Variants in MBOAT1 observed in about 807,000 individuals in gnomAD.
The protein encoded by MBOAT1 is membrane-bound glycerophospholipid O-acyltransferase 1.
MBOAT1 carries 67 observed loss-of-function variants against 64.4 expected under a neutral mutation model. The observed-to-expected ratio is 1.04, with a 90% CI of 0.85 to 1.27. MBOAT1 has a LOEUF of 1.27. Ranked by LOEUF, MBOAT1 falls within the 50% of genes most tolerant of loss-of-function variation. MBOAT1 has a pLI of 0.00. For missense variants in MBOAT1, 563 were observed against 604.6 expected (o/e 0.93, Z 0.72); for synonymous variants, 229 against 218.9 (o/e 1.05, Z -0.41).
chr6:20,113,718 C>T (rs1760241426), intron 10 of MBOAT1, among the ~76,000 whole-genome samples: 1 of 151,770 alleles, frequency 6.6e-6, no homozygotes, highest in African/African-American at 2.4e-5. Flanking sequence ...GGAATTCCCC[C>T]CCAAAACTCA....
intron 1 of MBOAT1, among the ~76,000 whole-genome samples, chr6:20,157,466 T>C (rs2113704025): frequency 6.6e-6 from 1 of 152,390 alleles, no homozygotes. Context: ...TTTATCAGGA[T>C]GGCAGGAATC....
chr6:20,180,555 C>T (rs1202210), intron 1 of MBOAT1, among the ~76,000 whole-genome samples: 88,195 of 151,936 alleles, frequency 0.58, 25,873 homozygotes, highest in East Asian at 0.7. Flanking sequence ...GTCACTCATA[C>T]CCTACTCTCT....
intron 1 of MBOAT1, among the ~76,000 whole-genome samples, chr6:20,205,558 G>A (rs9358310): frequency 0.2 from 30,969 of 152,072 alleles, 3,238 homozygotes; most frequent in Admixed American, 0.27. Context: ...CCAGTCAGCA[G>A]TCTCTGGTAG....
chr6:20,192,995 CTTTTTTT>C (rs1174816793), intron 1 of MBOAT1, among the ~76,000 whole-genome samples: 128 of 55,020 alleles, frequency 2.3e-3, no homozygotes, highest in African/African-American at 6.4e-3. Context: ...GCTATAATTT[CTTTTTTT>C]TTTTTTTTTT....
At chr6:20,177,556 G>A (rs58818564) in intron 1 of MBOAT1, among the ~76,000 whole-genome samples, 1,536 of 152,090 alleles carry the variant, frequency 0.01, 30 homozygotes, top group African/African-American at 0.036. Context: ...GGTGGATCAC[G>A]AGGTCAGGAG....
rs547822524 is a variant in MBOAT1, at chr6:20,100,443, T to C, written c.*1843A>G. ...TTCTTCCTGGGACAGCGAAGTAGGG[T>C]TGCCCCAAGATTTCCTTGTTAAAGT... is the stretch of plus-strand genomic sequence containing the variant. On this transcript the variant is annotated 3_prime_UTR_variant, in exon 13 of 13. Transcript: ENST00000324607. Among the ~76,000 whole-genome samples, 1 of 152,280 alleles carries C rather than the reference T, an allele frequency of 6.6e-6. No individual in the cohort carries two copies. The highest frequency in any genetic ancestry group is 6.5e-5 in the Admixed American group (1 of 15,292).
chr6:20,142,165 G>T (rs937539804), intron 4 of MBOAT1, among the ~76,000 whole-genome samples: 1 of 152,176 alleles, frequency 6.6e-6, no homozygotes, highest in Non-Finnish European at 1.5e-5. Flanking sequence ...AACCAATACA[G>T]ATGGAGGGAC....
chr6:20,201,567 T>C (rs6908738), intron 1 of MBOAT1, among the ~76,000 whole-genome samples: 35,231 of 151,552 alleles, frequency 0.23, 4,889 homozygotes, highest in African/African-American at 0.39. Context: ...GCCTGTACTA[T>C]CTAATCAGAT....
At chr6:20,168,485 CAGAGACAG>C (rs1166772766) in intron 1 of MBOAT1, among the ~76,000 whole-genome samples, 3 of 106,230 alleles carry the variant, frequency 2.8e-5, no homozygotes, top group Non-Finnish European at 5.5e-5. Context: ...GAGACAGAGA[CAGAGACAG>C]AGAGAGAGAG....
intron 11 of MBOAT1, among the ~76,000 whole-genome samples, chr6:20,111,837 CATATATATACAT>C (rs1255628462): frequency 1.1e-5 from 1 of 92,636 alleles, no homozygotes; most frequent in East Asian, 3.9e-4. Flanking sequence ...TATATATACA[CATATATATACAT>C]ATATATATAC....
At chr6:20,196,959 CAT>C (rs1491105402) in intron 1 of MBOAT1, among the ~76,000 whole-genome samples, 1 of 151,818 alleles carries the variant, frequency 6.6e-6, no homozygotes, top group Non-Finnish European at 1.5e-5. Context: ...AGAAAGAAGA[CAT>C]TGATGGAAAA....
intron 8 of MBOAT1, among the ~76,000 whole-genome samples, chr6:20,120,354 T>C (rs2113643602): frequency 6.6e-6 from 1 of 152,060 alleles, no homozygotes; most frequent in Non-Finnish European, 1.5e-5. Flanking sequence ...GGTTAGCTAT[T>C]ATTATTATTA....
chr6:20,124,671 C>T, intron 7 of MBOAT1, 71 bp from the exon 8 acceptor site: 1 of 1,440,056 alleles, frequency 6.9e-7, no homozygotes, highest in Admixed American at 1.8e-5. Flanking sequence ...TTGGAATGGA[C>T]CTGTTAAGGA....
At chr6:20,104,519 C>T (rs1038320108) in intron 12 of MBOAT1, among the ~76,000 whole-genome samples, 2 of 152,150 alleles carry the variant, frequency 1.3e-5, no homozygotes, top group African/African-American at 4.8e-5. Flanking sequence ...TGTAGATATC[C>T]AATAAATACT....
intron 12 of MBOAT1, among the ~76,000 whole-genome samples, chr6:20,103,966 C>T (rs1447111784): frequency 3.3e-5 from 5 of 152,206 alleles, no homozygotes; most frequent in Non-Finnish European, 7.3e-5. Context: ...CCCAGAGCAA[C>T]TTCCAGGCCT....
chr6:20,166,641 A>C (rs531333454), intron 1 of MBOAT1, among the ~76,000 whole-genome samples: 23 of 152,254 alleles, frequency 1.5e-4, no homozygotes, highest in African/African-American at 5.5e-4. Flanking sequence ...AATCAGTGTC[A>C]TTCAAGGATA....
At chr6:20,148,716 T>C (rs1268607637) in intron 3 of MBOAT1, among the ~76,000 whole-genome samples, 1 of 152,122 alleles carries the variant, frequency 6.6e-6, no homozygotes, top group African/African-American at 2.4e-5. Flanking sequence ...GGAAACAACG[T>C]TGAGATTTTA....
intron 4 of MBOAT1, among the ~76,000 whole-genome samples, chr6:20,132,415 C>A (rs1457742000): frequency 6.6e-6 from 1 of 152,144 alleles, no homozygotes; most frequent in Non-Finnish European, 1.5e-5. Flanking sequence ...AACAATAATA[C>A]CAACTTTAAT....
intron 1 of MBOAT1, among the ~76,000 whole-genome samples, chr6:20,188,382 C>T (rs1291121080): frequency 2.0e-5 from 3 of 152,184 alleles, no homozygotes. Flanking sequence ...AGACCCTCAG[C>T]ACATTCCAGG....
Sources: allele counts gnomAD v4.1 joint callset (sites outside exome capture counted in the v4.1 genomes callset), GRCh38; gene constraint gnomAD v4.1.1; transcripts MANE v1.5; gene names NCBI Gene and HGNC (gene_info 2026-07-23, HGNC 2026-07-21).